Variants in KLHL13 observed in about 807,000 individuals in gnomAD.
KLHL13 encodes kelch-like protein 13.
In KLHL13, 10 loss-of-function variants were observed where a neutral mutation model predicts 37.1. The ratio of observed to expected loss-of-function variants is 0.27; its 90% CI spans 0.17 to 0.46. The LOEUF (loss-of-function observed/expected upper bound fraction) is 0.46, where lower values mean the gene tolerates loss of function less well. Ranked by LOEUF, KLHL13 falls within the 20% of genes least tolerant of loss-of-function variation. The pLI is 1.00. For synonymous variants in KLHL13, 163 were observed against 181.2 expected (o/e 0.90, Z 0.81); for missense variants, 360 against 509.3 (o/e 0.71, Z 2.82).
intron 5 of KLHL13, among the ~76,000 whole-genome samples, chrX:117,903,159 G>C (rs147317939): frequency 0.11 from 10,340 of 96,669 alleles, 712 homozygotes; most frequent in African/African-American, 0.22. Flanking sequence ...CACACACACA[G>C]AGAGAGAGAG....
At chrX:117,933,724 T>C (rs1021947747) in intron 2 of KLHL13, among the ~76,000 whole-genome samples, 5 of 111,242 alleles carry the variant, frequency 4.5e-5, no homozygotes, top group African/African-American at 1.3e-4. Flanking sequence ...AGTATGTTAA[T>C]AATACAAAAG....
At chrX:117,959,035 T>G (rs2497859) in intron 1 of KLHL13, among the ~76,000 whole-genome samples, 3,190 of 111,588 alleles carry the variant, frequency 0.029, 131 homozygotes, top group African/African-American at 0.098. Context: ...CAATTTTAAT[T>G]ATATGGAAGA....
At position 118,081,217 on chromosome X, in the gene KLHL13, C is replaced by T. The variant is rs746019687; in HGVS notation, c.-56+35291G>A. 9.0e-5 allele frequency among the ~76,000 whole-genome samples: 10 copies of T among 111,342 alleles called. No individual in the cohort carries two copies. The East Asian group carries it at 2.3e-3, about 25-fold the overall frequency. Reference sequence around the variant, plus strand: ...TGTAACAAACCTGCATATGTGTACACCCTGTATCTAAAATAAAAGTTGAAA... The same window carrying T: ...TGTAACAAACCTGCATATGTGTACATCCTGTATCTAAAATAAAAGTTGAAA... On this transcript the variant is annotated intron_variant, in intron 1 of 6. Coordinates refer to the KLHL13 transcript ENST00000371882.
intron 1 of KLHL13, among the ~76,000 whole-genome samples, chrX:117,963,323 T>C (rs1569427301): frequency 8.9e-6 from 1 of 111,733 alleles, no homozygotes; most frequent in East Asian, 2.8e-4. Context: ...GATTCAATCT[T>C]AGAGTTTGAG....
chrX:118,076,860 T>C (rs1415145127), intron 1 of KLHL13, among the ~76,000 whole-genome samples: 1 of 108,678 alleles, frequency 9.2e-6, no homozygotes, highest in Non-Finnish European at 1.9e-5. Context: ...TTTTCTTTCT[T>C]TCTCTCACCT....
intron 2 of KLHL13, among the ~76,000 whole-genome samples, chrX:117,930,242 G>GGGAGGA (rs1932345542): frequency 3.2e-5 from 2 of 62,992 alleles, no homozygotes; most frequent in East Asian, 4.7e-4. Context: ...GGAAGGAAGG[G>GGGAGGA]AGGAAGGAAG....
chrX:118,076,787 T>C (rs2054933247), intron 1 of KLHL13, among the ~76,000 whole-genome samples: 1 of 110,615 alleles, frequency 9.0e-6, no homozygotes, highest in African/African-American at 3.3e-5. Context: ...ATATTAACTC[T>C]TCCCTGGGTC....
intron 1 of KLHL13, among the ~76,000 whole-genome samples, chrX:118,095,121 C>T (rs1163057048): frequency 1.7e-4 from 19 of 111,339 alleles, no homozygotes; most frequent in Non-Finnish European, 3.0e-4. Flanking sequence ...TCAAGACCCA[C>T]CAGTGTGCTG....
At chrX:117,980,400 T>A (rs2053647343) in intron 1 of KLHL13, among the ~76,000 whole-genome samples, 1 of 111,760 alleles carries the variant, frequency 8.9e-6, no homozygotes, top group African/African-American at 3.2e-5. Flanking sequence ...AACATCCCAA[T>A]TTTAAATTAA....
chrX:117,972,549 T>C (rs1020295361), intron 1 of KLHL13, among the ~76,000 whole-genome samples: 21 of 113,014 alleles, frequency 1.9e-4, no homozygotes, highest in African/African-American at 6.4e-4. Flanking sequence ...ACATAAACTT[T>C]AGAAAAACAA....
chrX:118,042,925 A>C (rs2054520167), intron 1 of KLHL13, among the ~76,000 whole-genome samples: 1 of 110,791 alleles, frequency 9.0e-6, no homozygotes, highest in South Asian at 3.7e-4. Flanking sequence ...AAATGAAAAA[A>C]AAAAATACAA....
At position 118,081,417 on chromosome X, in the gene KLHL13, A is replaced by C. The variant is rs199707512; in HGVS notation, c.-56+35091T>G. ...TGTCAATATCTATAAAAAAATAAGA[A>C]TACAAATACCATTTGTTACAGTGAT... is the stretch of plus-strand genomic sequence containing the variant. On this transcript the variant is annotated intron_variant, in intron 1 of 6. Transcript: ENST00000371882. 8.1e-5 allele frequency among the ~76,000 whole-genome samples: 9 copies of C among 111,581 alleles called. No individual in the cohort carries two copies. The East Asian group carries it at 2.5e-3, about 31-fold the overall frequency.
intron 5 of KLHL13, among the ~76,000 whole-genome samples, chrX:117,902,313 ACTC>A (rs771428598): frequency 1.5e-3 from 170 of 111,012 alleles, no homozygotes; most frequent in Admixed American, 6.0e-3. Context: ...GAAATGAAAA[ACTC>A]CTCAATTCTG....
intron 2 of KLHL13, among the ~76,000 whole-genome samples, chrX:117,925,832 G>C (rs969626609): frequency 1.1e-4 from 12 of 111,385 alleles, no homozygotes; most frequent in Non-Finnish European, 2.3e-4. Flanking sequence ...CTCCTTCAAA[G>C]ACTAGCTTAA....
intron 1 of KLHL13, among the ~76,000 whole-genome samples, chrX:118,019,287 C>T (rs981861012): frequency 1.8e-5 from 2 of 111,488 alleles, no homozygotes; most frequent in African/African-American, 6.5e-5. Flanking sequence ...GCATAAATGT[C>T]TTCTTTTGAG....
chrX:118,040,879 C>T (rs891090386), intron 1 of KLHL13, among the ~76,000 whole-genome samples: 7 of 112,070 alleles, frequency 6.2e-5, no homozygotes, highest in African/African-American at 2.3e-4. Context: ...TCAGTGGAAA[C>T]CTTATAGGCC....
At chrX:117,996,573 T>G (rs2053856417) in intron 1 of KLHL13, among the ~76,000 whole-genome samples, 1 of 111,523 alleles carries the variant, frequency 9.0e-6, no homozygotes, top group Non-Finnish European at 1.9e-5. Context: ...AATGCAGCAA[T>G]ACATTCTTGG....
At chrX:118,082,067 TAAAC>T (rs1055959568) in intron 1 of KLHL13, among the ~76,000 whole-genome samples, 1 of 110,217 alleles carries the variant, frequency 9.1e-6, no homozygotes, top group Non-Finnish European at 1.9e-5. Context: ...AGTGTTGTAA[TAAAC>T]ATGGGAGTGC....
At chrX:117,947,227 T>C (rs961775639) in intron 1 of KLHL13, 2 of 111,854 alleles carry the variant, frequency 1.8e-5, no homozygotes, top group African/African-American at 6.5e-5. Flanking sequence ...GTGACTGTTA[T>C]CCCTAACCAG....
Sources: gnomAD v4.1 joint callset for allele counts (sites outside exome capture counted in the v4.1 genomes callset) on GRCh38, gnomAD v4.1.1 for gene constraint, MANE v1.5 for transcripts, NCBI Gene and HGNC (gene_info 2026-07-23, HGNC 2026-07-21) for gene names.